Variants in FBXL17 observed in about 807,000 individuals in gnomAD.
FBXL17 encodes F-box/LRR-repeat protein 17.
FBXL17 carries 22 observed loss-of-function variants against 66.2 expected under a neutral mutation model. The observed-to-expected ratio is 0.33, with a 90% CI of 0.24 to 0.47. The LOEUF is 0.47. Ranked by LOEUF, FBXL17 falls within the 20% of genes least tolerant of loss-of-function variation. The pLI is 1.00. For synonymous variants in FBXL17, 474 were observed against 400.5 expected, an observed-to-expected ratio of 1.18 and a Z score of -2.19; for missense variants, 878 against 948.2, an observed-to-expected ratio of 0.93 and a Z score of 0.97.
chr5:108,092,832 C>T (rs369324502), intron 6 of FBXL17, among the ~76,000 whole-genome samples: 9 of 152,126 alleles, frequency 5.9e-5, no homozygotes, highest in African/African-American at 2.2e-4. Context: ...AGATGTATGA[C>T]ATATTTTCAG....
intron 6 of FBXL17, among the ~76,000 whole-genome samples, chr5:108,036,736 G>C (rs1186472120): frequency 3.9e-5 from 6 of 152,078 alleles, no homozygotes; most frequent in Non-Finnish European, 8.8e-5. Flanking sequence ...CAGGACTCAC[G>C]CTTATCTTAG....
intron 6 of FBXL17, among the ~76,000 whole-genome samples, chr5:108,127,353 A>T (rs1189391669): frequency 3.9e-5 from 6 of 152,236 alleles, no homozygotes; most frequent in Non-Finnish European, 1.5e-5. Context: ...TTCAAAACAT[A>T]GTAAGAAAGA....
chr5:107,940,061 C>A (rs574112305), intron 7 of FBXL17, among the ~76,000 whole-genome samples: 1 of 152,168 alleles, frequency 6.6e-6, no homozygotes, highest in South Asian at 2.1e-4. Flanking sequence ...GTCTCACAAG[C>A]CTCTGAAGTA....
chr5:107,876,800 T>C (rs915054971), intron 8 of FBXL17, among the ~76,000 whole-genome samples: 6 of 152,242 alleles, frequency 3.9e-5, no homozygotes, highest in Non-Finnish European at 1.5e-5. Flanking sequence ...AACAGATCTA[T>C]AGAGAATCTA....
At chr5:108,036,391 T>C (rs887454576) in intron 6 of FBXL17, among the ~76,000 whole-genome samples, 14 of 152,192 alleles carry the variant, frequency 9.2e-5, no homozygotes, top group African/African-American at 3.4e-4. Flanking sequence ...CTTCTGAATA[T>C]GGATACCTTT....
Position 108,259,643 on chromosome 5 carries a change from T to A in FBXL17, c.1507-35415A>T, listed in dbSNP as rs79685912. The stretch of plus-strand genomic sequence containing the variant: ...AAAAATTCGAGAACTTCTAAAGAAG[T>A]CCAAGACATTTTCTCAGTGTCAAAG... On this transcript the variant is annotated intron_variant, in intron 4 of 8. Coordinates refer to ENST00000542267, the MANE Select transcript of FBXL17 (RefSeq NM_001163315.3). 3.6e-3 allele frequency among the ~76,000 whole-genome samples: 549 copies of A among 151,156 alleles called. 4 individuals carry two copies. Among genetic ancestry groups the A allele is most frequent in the African/African-American group, 0.013 (529 of 41,134 alleles).
At chr5:108,019,121 C>T (rs1285951129) in intron 7 of FBXL17, among the ~76,000 whole-genome samples, 1 of 152,132 alleles carries the variant, frequency 6.6e-6, no homozygotes, top group Non-Finnish European at 1.5e-5. Flanking sequence ...ACAACACTTA[C>T]TAGCAGTGTA....
At chr5:108,040,064 G>A (rs1032932012) in intron 6 of FBXL17, among the ~76,000 whole-genome samples, 15 of 151,910 alleles carry the variant, frequency 9.9e-5, no homozygotes, top group Admixed American at 3.9e-4. Context: ...TAAATATTTG[G>A]GTATAATAAT....
chr5:108,353,421 C>G (rs142489579), intron 3 of FBXL17, among the ~76,000 whole-genome samples: 1 of 152,142 alleles, frequency 6.6e-6, no homozygotes, highest in Non-Finnish European at 1.5e-5. Flanking sequence ...CCAGGGGGAC[C>G]AGGTTATAAG....
intron 4 of FBXL17, among the ~76,000 whole-genome samples, chr5:108,242,349 T>TTTGTTGTTGTTGTTG (rs70996988): frequency 1.1e-4 from 16 of 146,810 alleles, no homozygotes; most frequent in Admixed American, 2.1e-4. Context: ...GCCTGGCTAG[T>TTTGTTGTTGTTGTTG]TTGTTGTTGT....
intron 7 of FBXL17, among the ~76,000 whole-genome samples, chr5:107,990,269 T>C (rs994745951): frequency 2.0e-5 from 3 of 152,200 alleles, no homozygotes; most frequent in Non-Finnish European, 4.4e-5. Context: ...TGGCTTTTTA[T>C]TTCAACAGGG....
At chr5:108,273,771 T>C (rs547011709) in intron 4 of FBXL17, among the ~76,000 whole-genome samples, 2 of 152,254 alleles carry the variant, frequency 1.3e-5, no homozygotes, top group South Asian at 2.1e-4. Context: ...GAAGAGATGA[T>C]TCTGTGGAAT....
chr5:107,964,283 TG>T (rs1315662934), intron 7 of FBXL17, among the ~76,000 whole-genome samples: 1 of 152,118 alleles, frequency 6.6e-6, no homozygotes, highest in Non-Finnish European at 1.5e-5. Flanking sequence ...CTGCCTTATA[TG>T]ATCAAACAAC....
At chr5:107,976,566 T>C (rs2112660496) in intron 7 of FBXL17, among the ~76,000 whole-genome samples, 1 of 152,318 alleles carries the variant, frequency 6.6e-6, no homozygotes. Context: ...TGACTTCTCA[T>C]GATTGTCTAG....
At chr5:108,250,132 C>T (rs1756280694) in intron 4 of FBXL17, among the ~76,000 whole-genome samples, 1 of 152,092 alleles carries the variant, frequency 6.6e-6, no homozygotes, top group Admixed American at 6.6e-5. Context: ...ACTGCAACTG[C>T]TACCAATCAA....
chr5:108,034,444 C>A lies in FBXL17; in HGVS notation c.1746-13443G>T, dbSNP rs1276178256. Among the ~76,000 whole-genome samples the A allele has an allele frequency of 2.0e-5, 3 of 152,090 alleles. No homozygotes were observed. The East Asian group carries it at 5.8e-4, about 29-fold the overall frequency. ...TGTTGCCAGAAACTGGATTAGGACT[C>A]TGGCATTAGCCAGCAAATAGTAAAG... On this transcript the variant is annotated intron_variant, in intron 6 of 8. Transcript: ENST00000542267.
intron 4 of FBXL17, among the ~76,000 whole-genome samples, chr5:108,339,096 G>A (rs1021544429): frequency 6.6e-6 from 1 of 152,088 alleles, no homozygotes; most frequent in Non-Finnish European, 1.5e-5. Flanking sequence ...ACTACAGTTT[G>A]TAAACTATAT....
intron 6 of FBXL17, among the ~76,000 whole-genome samples, chr5:108,172,824 G>A (rs1306810891): frequency 1.3e-5 from 2 of 152,022 alleles, no homozygotes; most frequent in African/African-American, 2.4e-5. Flanking sequence ...TTTTGAGATG[G>A]AGTTTAGCTC....
At chr5:108,036,355 G>A (rs1374819392) in intron 6 of FBXL17, among the ~76,000 whole-genome samples, 7 of 152,132 alleles carry the variant, frequency 4.6e-5, no homozygotes, top group Non-Finnish European at 8.8e-5. Flanking sequence ...CATATTTTGC[G>A]TGGCTGAGTC....
Sources: gnomAD v4.1 joint callset for allele counts (sites outside exome capture counted in the v4.1 genomes callset) on GRCh38, gnomAD v4.1.1 for gene constraint, MANE v1.5 for transcripts, NCBI Gene and HGNC (gene_info 2026-07-23, HGNC 2026-07-21) for gene names.